TET3: variants seen among roughly 807,000 people sequenced by gnomAD.
The protein encoded by TET3 is methylcytosine dioxygenase TET3.
In TET3, 19 loss-of-function variants were observed where a neutral mutation model predicts 141.4. That is an observed-to-expected ratio of 0.13 (90% CI 0.09 to 0.20). The LOEUF is 0.20. Among genes scored for constraint, TET3 ranks in the 10% least tolerant of loss-of-function variants. TET3 has a pLI of 1.00. For synonymous variants in TET3, 1,043 were observed against 980.9 expected (o/e 1.06, Z -1.18); for missense variants, 1,874 against 2,356.9 (o/e 0.80, Z 4.24).
intron 11 of TET3, among the ~76,000 whole-genome samples, chr2:74,099,929 T>C (rs969712458): frequency 6.6e-6 from 1 of 152,010 alleles, no homozygotes; most frequent in African/African-American, 2.4e-5. Flanking sequence ...CTGAGGTGAG[T>C]AGCAGCACTT....
At chr2:74,130,240 A>G in the TET3 span, among the ~76,000 whole-genome samples, 2 of 152,212 alleles carry the variant, frequency 1.3e-5, no homozygotes, top group African/African-American at 2.4e-5. Flanking sequence ...CTGCCACCCT[A>G]AACACCTTTT....
intron 10 of TET3, among the ~76,000 whole-genome samples, chr2:74,096,390 T>G (rs916625771): frequency 4.6e-5 from 7 of 152,194 alleles, no homozygotes; most frequent in Non-Finnish European, 8.8e-5. Flanking sequence ...AAATATAAGT[T>G]TTCTGTTCAG....
At chr2:74,017,863 G>A (rs34425704) in intron 3 of TET3, among the ~76,000 whole-genome samples, 6,743 of 151,308 alleles carry the variant, frequency 0.045, 189 homozygotes, top group Middle Eastern at 0.092. Flanking sequence ...CCAACAGTCT[G>A]TAAGAGTTCC....
At chr2:74,050,278 T>A (rs1687878255) in intron 4 of TET3, among the ~76,000 whole-genome samples, 1 of 152,198 alleles carries the variant, frequency 6.6e-6, no homozygotes, top group South Asian at 2.1e-4. Context: ...ATATGTAGAA[T>A]GAAAACGATA....
chr2:74,098,920 G>A (rs962309966), intron 10 of TET3, among the ~76,000 whole-genome samples: 4 of 152,172 alleles, frequency 2.6e-5, no homozygotes, highest in South Asian at 4.1e-4. Flanking sequence ...AATGGTGGAC[G>A]GTCTGAGCTT....
the TET3 span, among the ~76,000 whole-genome samples, chr2:74,114,413 T>G: frequency 6.6e-6 from 1 of 152,110 alleles, no homozygotes; most frequent in Admixed American, 6.5e-5. Context: ...CTAAAGAACT[T>G]ATCCATGTAA....
chr2:74,037,183 G>A (rs1687112211), intron 3 of TET3, among the ~76,000 whole-genome samples: 1 of 152,210 alleles, frequency 6.6e-6, no homozygotes, highest in Admixed American at 6.5e-5. Flanking sequence ...AGAACAGGCA[G>A]ATGTGCACCT....
chr2:74,046,199 G>T lies in TET3; in HGVS notation c.361-79G>T. 7.5e-7 allele frequency: 1 copy of T among 1,333,962 alleles called. No homozygotes were observed. Among genetic ancestry groups the T allele is most frequent in the Non-Finnish European group, 9.9e-7 (1 of 1,013,354 alleles). The allele number at this position is 1,333,962 out of a possible 1,614,324, so 82.6% of individuals were successfully genotyped here. On this transcript the variant is annotated intron_variant, in intron 3 of 11. Coordinates refer to ENST00000409262, the MANE Select transcript of TET3 (RefSeq NM_001287491.2). This position sits in a 1 kb window ranked among gnomAD's most constrained non-coding sequence, Gnocchi z 4.3. ...AAAAGTTGGGGTCAGATGTGCACCT[G>T]AGTGGTATGAAGCAGGGAAATGCTT... is the stretch of plus-strand genomic sequence containing the variant.
At chr2:73,996,040 C>A (rs1193990395) in intron 2 of TET3, among the ~76,000 whole-genome samples, 2 of 152,190 alleles carry the variant, frequency 1.3e-5, no homozygotes, top group Non-Finnish European at 2.9e-5. Flanking sequence ...TCCCCACCTA[C>A]AGTCTTGGTC....
chr2:74,084,195 TC>T (rs1558778870), intron 6 of TET3, among the ~76,000 whole-genome samples: 1 of 152,238 alleles, frequency 6.6e-6, no homozygotes, highest in Non-Finnish European at 1.5e-5. Context: ...TTGCAAAGTA[TC>T]CTTTCAAAGT....
intron 3 of TET3, among the ~76,000 whole-genome samples, chr2:74,020,483 G>T (rs1191079913): frequency 6.6e-6 from 1 of 152,242 alleles, no homozygotes; most frequent in Non-Finnish European, 1.5e-5. Flanking sequence ...CTTGGTGTTT[G>T]CATTTTATAT....
At chr2:73,985,922 C>T (rs1684002275) in intron 1 of TET3, 58 bp from the exon 2 acceptor site, 1 of 152,992 alleles carries the variant, frequency 6.5e-6, no homozygotes, top group Admixed American at 6.5e-5. Flanking sequence ...GAAGAAGTGA[C>T]ACGTGAAAGT....
intron 4 of TET3, among the ~76,000 whole-genome samples, chr2:74,063,029 G>A (rs576794431): frequency 1.1e-4 from 16 of 151,746 alleles, no homozygotes; most frequent in African/African-American, 2.9e-4. Context: ...GGTTACAGGC[G>A]TGCACCACCA....
intron 3 of TET3, among the ~76,000 whole-genome samples, chr2:74,042,098 A>C (rs1687371320): frequency 6.6e-6 from 1 of 152,204 alleles, no homozygotes; most frequent in African/African-American, 2.4e-5. Flanking sequence ...CCCTTCTCCC[A>C]GTTGATACAC....
At chr2:74,118,612 T>C in the TET3 span, among the ~76,000 whole-genome samples, 4 of 152,188 alleles carry the variant, frequency 2.6e-5, no homozygotes, top group Non-Finnish European at 5.9e-5. Flanking sequence ...AATGTATATG[T>C]GGGTTAGTCA....
intron 4 of TET3, among the ~76,000 whole-genome samples, chr2:74,061,571 CG>C (rs1688570767): frequency 6.9e-6 from 1 of 145,736 alleles, no homozygotes; most frequent in African/African-American, 2.5e-5. Flanking sequence ...ACCTCCCGGA[CG>C]GGGCGGCTGG....
At chr2:74,110,588 G>A (rs12465641), downstream of TET3, among the ~76,000 whole-genome samples, 30,375 of 151,984 alleles carry the variant, frequency 0.2, 3,356 homozygotes, top group East Asian at 0.34. Flanking sequence ...CAACATAGAA[G>A]ACGTGAAAGA....
the TET3 span, chr2:74,120,623 A>C: frequency 7.2e-5 from 11 of 152,414 alleles, no homozygotes; most frequent in African/African-American, 2.7e-4. Context: ...GGCGGCCACT[A>C]GGAGCTCAGG....
At chr2:74,065,588 G>GTCCGTCCTTCCT (rs1573835203) in intron 4 of TET3, among the ~76,000 whole-genome samples, 1 of 133,946 alleles carries the variant, frequency 7.5e-6, no homozygotes, top group East Asian at 2.0e-4. Context: ...CACCTGGTTC[G>GTCCGTCCTTCCT]TCCGTCCTTC....
Sources: allele counts gnomAD v4.1 joint callset (sites outside exome capture counted in the v4.1 genomes callset), GRCh38; gene constraint gnomAD v4.1.1; non-coding constraint Gnocchi (gnomAD v3.1); transcripts MANE v1.5; gene names NCBI Gene and HGNC (gene_info 2026-07-23, HGNC 2026-07-21).